NXPE4: variants seen among roughly 807,000 people sequenced by gnomAD.
NXPE4 encodes the protein NXPE family member 4.
Under a neutral mutation model 33.3 loss-of-function variants are expected in NXPE4, and 42 were observed. The ratio of observed to expected loss-of-function variants is 1.26; its 90% CI spans 0.98 to 1.63. The LOEUF is 1.63. Ranked by LOEUF, NXPE4 falls within the 40% of genes most tolerant of loss-of-function variation. The pLI is 0.00. For missense variants in NXPE4, 709 were observed against 647.6 expected, an observed-to-expected ratio of 1.09 and a Z score of -1.03; for synonymous variants, 253 against 234.9, an observed-to-expected ratio of 1.08 and a Z score of -0.71.
At chr11:114,627,174 C>A in the NXPE4 span, among the ~76,000 whole-genome samples, 7 of 151,964 alleles carry the variant, frequency 4.6e-5, no homozygotes, top group Admixed American at 1.3e-4. Context: ...GAGAACGCCA[C>A]AAAGATACTC....
At chr11:114,589,011 C>A (rs113002890) in intron 2 of NXPE4, among the ~76,000 whole-genome samples, 85 of 152,252 alleles carry the variant, frequency 5.6e-4, no homozygotes, top group African/African-American at 2.0e-3. Context: ...AGAGGAAACA[C>A]AAGAGAAGGA....
At chr11:114,614,604 C>T in the NXPE4 span, among the ~76,000 whole-genome samples, 280 of 151,980 alleles carry the variant, frequency 1.8e-3, 4 homozygotes, top group Non-Finnish European at 3.0e-3. Context: ...AGCGTTGCCT[C>T]GTGGGTAACC....
At chr11:114,646,592 AAT>A in the NXPE4 span, among the ~76,000 whole-genome samples, 3 of 152,194 alleles carry the variant, frequency 2.0e-5, no homozygotes, top group African/African-American at 7.2e-5. Flanking sequence ...TCAATAAGAA[AAT>A]ATGTTACATA....
chr11:114,601,679 A>G, the NXPE4 span, among the ~76,000 whole-genome samples: 1 of 27,870 alleles, frequency 3.6e-5, no homozygotes, highest in Non-Finnish European at 5.7e-5. Context: ...TATTATAATT[A>G]TAGATTATAT....
At chr11:114,616,003 T>C in the NXPE4 span, among the ~76,000 whole-genome samples, 28 of 151,608 alleles carry the variant, frequency 1.8e-4, no homozygotes, top group Non-Finnish European at 3.2e-4. Flanking sequence ...TGTGACCCAG[T>C]GGATAATAAG....
At chr11:114,658,781 G>T in the NXPE4 span, among the ~76,000 whole-genome samples, 1 of 152,126 alleles carries the variant, frequency 6.6e-6, no homozygotes, top group African/African-American at 2.4e-5. Flanking sequence ...TCACTGAGAA[G>T]GCCTTTCCCT....
At chr11:114,580,960 T>C (rs1203485017) in intron 4 of NXPE4, among the ~76,000 whole-genome samples, 1 of 152,162 alleles carries the variant, frequency 6.6e-6, no homozygotes, top group African/African-American at 2.4e-5. Context: ...GCAGGTTTGA[T>C]TATTAATCAA....
chr11:114,580,241 A>G lies in NXPE4; in HGVS notation c.990T>C (p.Cys330=). ...VWRNTWNPVS[C]SLATVKMKEC... ...CCTTCATTTTGACTGTAGCCAAACT[A>G]CAGGAGACAGGATTCCATGTGTTTC... The change falls in exon 5 of 6, where the codon TGT becomes TGC. Residue 330 remains cysteine, a synonymous_variant. Transcript: ENST00000375478. 1.2e-6 allele frequency: 2 copies of G among 1,613,906 alleles called. No individual in the cohort carries two copies. The highest frequency in any genetic ancestry group is 1.7e-6 in the Non-Finnish European group (2 of 1,179,836).
chr11:114,654,712 A>G, the NXPE4 span, among the ~76,000 whole-genome samples: 7 of 152,042 alleles, frequency 4.6e-5, no homozygotes, highest in Admixed American at 1.3e-4. Flanking sequence ...TCTTTATCCA[A>G]TCTATCACTG....
intron 5 of NXPE4, 60 bp downstream of exon 5, chr11:114,580,072 T>C: frequency 7.1e-7 from 1 of 1,406,916 alleles, no homozygotes; most frequent in Non-Finnish European, 1.0e-6. Flanking sequence ...CCTTCTCCCC[T>C]TTGAAATGGA....
the NXPE4 span, among the ~76,000 whole-genome samples, chr11:114,632,861 A>C: frequency 1.4e-5 from 1 of 72,818 alleles, no homozygotes; most frequent in African/African-American, 7.3e-5. Context: ...ATAATTATAT[A>C]ATATATAATT....
At chr11:114,644,509 A>T in the NXPE4 span, among the ~76,000 whole-genome samples, 67 of 152,290 alleles carry the variant, frequency 4.4e-4, no homozygotes, top group South Asian at 0.013. Context: ...AGTAATAATA[A>T]CTTACTAAAA....
At chr11:114,617,563 A>C in the NXPE4 span, among the ~76,000 whole-genome samples, 1 of 150,640 alleles carries the variant, frequency 6.6e-6, no homozygotes, top group Non-Finnish European at 1.5e-5. Context: ...GGAAAATAAT[A>C]GTTGCCTCAC....
rs1949105723 is a variant in NXPE4, at chr11:114,580,217, C to G, written c.1014G>C (p.Lys338Asn). The G allele has an allele frequency of 6.2e-7, 1 of 1,614,034 alleles. No homozygotes were observed. Among genetic ancestry groups the G allele is most frequent in the Non-Finnish European group, 8.5e-7 (1 of 1,179,922 alleles). The stretch of plus-strand genomic sequence containing the variant: ...ATATGAGTTTTCCTCTCAGGCATTC[C>G]TTCATTTTGACTGTAGCCAAACTAC... ...VSCSLATVKM[K>N]ECLRGKLIYL... is the part of the protein sequence containing the mutation. Residue 338 changes from lysine to asparagine, a missense_variant, in exon 5 of 6, where the codon AAG becomes AAC. Coordinates refer to ENST00000375478, the MANE Select transcript of NXPE4 (RefSeq NM_001077639.2).
chr11:114,667,004 C>G, the NXPE4 span, among the ~76,000 whole-genome samples: 1 of 152,120 alleles, frequency 6.6e-6, no homozygotes. Context: ...GAACATTAAT[C>G]AACATCTAAC....
At chr11:114,632,113 T>C in the NXPE4 span, among the ~76,000 whole-genome samples, 1 of 144,194 alleles carries the variant, frequency 6.9e-6, no homozygotes, top group African/African-American at 2.5e-5. Flanking sequence ...AATATATAAA[T>C]TATATATTAT....
chr11:114,637,430 G>C, the NXPE4 span, among the ~76,000 whole-genome samples: 17 of 151,996 alleles, frequency 1.1e-4, no homozygotes, highest in East Asian at 3.3e-3. Flanking sequence ...TTGCCAGTCT[G>C]TGTCTTTTAA....
At chr11:114,572,624 C>T (rs2135175915) in intron 5 of NXPE4, among the ~76,000 whole-genome samples, 1 of 152,168 alleles carries the variant, frequency 6.6e-6, no homozygotes, top group Non-Finnish European at 1.5e-5. Context: ...AACCTCAGAG[C>T]TAGAAGACAA....
At chr11:114,649,459 T>C in the NXPE4 span, among the ~76,000 whole-genome samples, 15 of 152,336 alleles carry the variant, frequency 9.8e-5, no homozygotes, top group South Asian at 3.1e-3. Context: ...ACAACTATTA[T>C]GCTCAGTGAA....
Sources: gnomAD v4.1 joint callset for allele counts (sites outside exome capture counted in the v4.1 genomes callset) on GRCh38, gnomAD v4.1.1 for gene constraint, MANE v1.5 for transcripts, NCBI Gene and HGNC (gene_info 2026-07-23, HGNC 2026-07-21) for gene names.